The following HOMER2 variants were observed in gnomAD, a reference collection of about 807,000 sequenced individuals.
HOMER2 encodes the protein homer scaffold protein 2.
HOMER2 carries 27 observed loss-of-function variants against 47.0 expected under a neutral mutation model. The ratio of observed to expected loss-of-function variants is 0.57; its 90% CI spans 0.42 to 0.79. The LOEUF is 0.79. HOMER2 is among the 30% of genes least tolerant of loss of function. HOMER2 has a pLI of 0.00. For missense variants in HOMER2, 443 were observed against 435.0 expected, an observed-to-expected ratio of 1.02 and a Z score of -0.16; for synonymous variants, 161 against 163.8, an observed-to-expected ratio of 0.98 and a Z score of 0.13.
At chr15:82,979,415 C>T (rs76939374) in intron 1 of HOMER2, among the ~76,000 whole-genome samples, 5,233 of 152,078 alleles carry the variant, frequency 0.034, 270 homozygotes, top group African/African-American at 0.12. Flanking sequence ...CTGAGCTAGC[C>T]GATAGATATA....
intron 1 of HOMER2, among the ~76,000 whole-genome samples, chr15:82,929,387 G>T (rs2053945756): frequency 6.6e-6 from 1 of 152,128 alleles, no homozygotes; most frequent in South Asian, 2.1e-4. Flanking sequence ...CAGGCACGGT[G>T]GCTCACGCCC....
rs1375228182 is a variant in HOMER2 at position 82,966,807 on chromosome 15, T to C, written n.83-7499A>G. ...ACTCTTTAGAAAACGTGAGTGTGAA[T>C]GAAACTAATAGCATCTTGTCCAACT... On this transcript the variant is annotated intron_variant and non_coding_transcript_variant, in intron 1 of 1. Coordinates refer to the HOMER2 transcript ENST00000500334. 2.0e-5 allele frequency among the ~76,000 whole-genome samples: 3 copies of C among 152,212 alleles called. No homozygotes were observed. In the East Asian group the frequency reaches 5.8e-4, roughly 29 times the overall value.
At chr15:82,849,971 C>G (rs552055205) in intron 8 of HOMER2, 68 bp from the exon 9 acceptor site, 13 of 1,493,008 alleles carry the variant, frequency 8.7e-6, no homozygotes, top group Non-Finnish European at 1.1e-5. Flanking sequence ...AAACCTGCTA[C>G]AGCTGAACCA....
chr15:82,854,639 C>A lies in HOMER2; in HGVS notation c.651+5G>T, dbSNP rs746000058. 6.2e-7 allele frequency: 1 copy of A among 1,610,818 alleles called. No individual in the cohort carries two copies. The highest frequency in any genetic ancestry group is 1.1e-5 in the South Asian group (1 of 90,772). ...CTCGGGGCTCACTGCATCCACCGTA[C>A]CCACCTTGTTGCGGAGCCGGTCATT... On this transcript the variant is annotated splice_donor_5th_base_variant and intron_variant, in intron 6 of 8. Transcript: ENST00000450735.
chr15:82,835,101 T>C (rs888003168), downstream of HOMER2: 4 of 150,842 alleles, frequency 2.7e-5, no homozygotes, highest in East Asian at 2.0e-4. Context: ...CTGATTGATA[T>C]AGAACAGAAA....
At chr15:82,851,998 C>T in intron 7 of HOMER2, 144 bp downstream of exon 7, 1 of 621,440 alleles carries the variant, frequency 1.6e-6, no homozygotes, top group Non-Finnish European at 2.8e-6. Context: ...CCTGTCTGCA[C>T]CTTGCTGTGG....
chr15:82,889,333 G>A (rs931869881), intron 2 of HOMER2, among the ~76,000 whole-genome samples: 3 of 152,324 alleles, frequency 2.0e-5, no homozygotes, highest in Admixed American at 6.5e-5. Flanking sequence ...GAGGCTCCAC[G>A]GCATGCATGA....
At chr15:82,878,560 T>G (rs532642814) in intron 2 of HOMER2, among the ~76,000 whole-genome samples, 8 of 152,368 alleles carry the variant, frequency 5.3e-5, no homozygotes, top group African/African-American at 1.9e-4. Context: ...ATTCTCTCCA[T>G]GAATATTGCT....
In HOMER2 at chr15:82,851,309, C is replaced by T. The variant is rs529706450; in HGVS notation, c.763-78G>A. On this transcript the variant is annotated intron_variant, in intron 7 of 8. Coordinates refer to ENST00000450735, the MANE Select transcript of HOMER2 (RefSeq NM_004839.4). Reference sequence around the variant, plus strand: ...TTCTTGAAAATCACCAATGTGTGCACGCTCGTGGAAGCAGCTTTGGGACCC... The same window carrying T: ...TTCTTGAAAATCACCAATGTGTGCATGCTCGTGGAAGCAGCTTTGGGACCC... The T allele has an allele frequency of 3.1e-5, 31 of 1,002,546 alleles. 1 individual carries two copies. In the South Asian group the frequency reaches 3.2e-4, roughly 10 times the overall value. 62.1% of individuals were successfully genotyped at this position (1,002,546 alleles called of 1,614,324 possible). A position where few individuals can be genotyped will look rare whatever the true frequency, so the allele number is the denominator to read the frequency against.
intron 1 of HOMER2, among the ~76,000 whole-genome samples, chr15:82,904,536 C>T (rs1229359451): frequency 7.2e-5 from 11 of 152,152 alleles, no homozygotes; most frequent in Admixed American, 7.2e-4. Flanking sequence ...TACACCAGAG[C>T]ACCTGTTCCT....
At chr15:82,928,868 T>C (rs2053921932) in intron 1 of HOMER2, among the ~76,000 whole-genome samples, 1 of 142,962 alleles carries the variant, frequency 7.0e-6, no homozygotes, top group South Asian at 2.2e-4. Context: ...TCCCAACAGA[T>C]GAATCCTATT....
chr15:82,860,501 TTG>T (rs2151625543), intron 4 of HOMER2, among the ~76,000 whole-genome samples: 1 of 152,322 alleles, frequency 6.6e-6, no homozygotes, highest in African/African-American at 2.4e-5. Flanking sequence ...TCACATTTTT[TTG>T]TGTTTAAAAA....
chr15:82,980,287 CA>C (rs1277243726), intron 1 of HOMER2, among the ~76,000 whole-genome samples: 3 of 152,090 alleles, frequency 2.0e-5, no homozygotes, highest in African/African-American at 7.2e-5. Flanking sequence ...CCATACACCC[CA>C]CAAGACAATA....
intron 4 of HOMER2, among the ~76,000 whole-genome samples, chr15:82,863,739 G>A (rs1368242750): frequency 6.6e-6 from 1 of 152,194 alleles, no homozygotes; most frequent in Non-Finnish European, 1.5e-5. Context: ...TGTTAAGACA[G>A]AGCTGTTGGA....
At chr15:82,906,656 A>C (rs1344778200) in intron 1 of HOMER2, among the ~76,000 whole-genome samples, 1 of 151,670 alleles carries the variant, frequency 6.6e-6, no homozygotes, top group African/African-American at 2.4e-5. Flanking sequence ...CTGGTCTTGA[A>C]CTCCCGACCT....
At chr15:82,969,079 G>A (rs1467723319) in intron 1 of HOMER2, among the ~76,000 whole-genome samples, 1 of 152,198 alleles carries the variant, frequency 6.6e-6, no homozygotes, top group Non-Finnish European at 1.5e-5. Flanking sequence ...TCAGAAAGTG[G>A]ATAGAGAAGC....
At chr15:82,966,582 A>G (rs2054677408) in intron 1 of HOMER2, among the ~76,000 whole-genome samples, 1 of 152,224 alleles carries the variant, frequency 6.6e-6, no homozygotes, top group East Asian at 1.9e-4. Context: ...GGAGTCACCC[A>G]GAATTGCATA....
At chr15:82,897,285 T>G (rs1485593139) in intron 1 of HOMER2, among the ~76,000 whole-genome samples, 1 of 152,060 alleles carries the variant, frequency 6.6e-6, no homozygotes, top group African/African-American at 2.4e-5. Flanking sequence ...AGGCTGGTCT[T>G]GAACTCCTGA....
chr15:82,902,974 C>G (rs534555164), intron 1 of HOMER2, among the ~76,000 whole-genome samples: 1 of 152,192 alleles, frequency 6.6e-6, no homozygotes, highest in Non-Finnish European at 1.5e-5. Flanking sequence ...ACCTAAGAGT[C>G]TGTTATATTT....
Sources: gnomAD v4.1 joint callset for allele counts (sites outside exome capture counted in the v4.1 genomes callset) on GRCh38, gnomAD v4.1.1 for gene constraint, MANE v1.5 for transcripts, NCBI Gene and HGNC (gene_info 2026-07-23, HGNC 2026-07-21) for gene names.